Variants in DENND1B observed in about 807,000 individuals in gnomAD.
DENND1B encodes DENN domain-containing protein 1B.
DENND1B carries 59 observed loss-of-function variants against 90.1 expected under a neutral mutation model. That is an observed-to-expected ratio of 0.65 (90% confidence interval 0.53 to 0.81). The LOEUF (loss-of-function observed/expected upper bound fraction) is 0.81, where lower values mean the gene tolerates loss of function less well. DENND1B is among the 40% of genes least tolerant of loss of function. The pLI is 0.00. For missense variants in DENND1B, 862 were observed against 912.6 expected (o/e 0.94, Z 0.71); for synonymous variants, 337 against 324.6 (o/e 1.04, Z -0.41).
chr1:197,747,078 G>A (rs1652792953), intron 2 of DENND1B: 1 of 778,926 alleles, frequency 1.3e-6, no homozygotes, highest in Middle Eastern at 3.3e-4. Context: ...CCTTCCACTG[G>A]GTTTCATTTG....
intron 15 of DENND1B, among the ~76,000 whole-genome samples, chr1:197,555,028 G>A (rs1277604055): frequency 6.6e-6 from 1 of 151,892 alleles, no homozygotes; most frequent in Admixed American, 6.6e-5. Flanking sequence ...AAATAAAGCT[G>A]CACACCTACA....
intron 2 of DENND1B, among the ~76,000 whole-genome samples, chr1:197,727,436 G>A (rs974360303): frequency 2.0e-5 from 3 of 151,826 alleles, no homozygotes; most frequent in African/African-American, 7.3e-5. Flanking sequence ...TTGGGAGGCT[G>A]AGGCAGGAAA....
At chr1:197,542,785 C>G (rs146745718) in intron 18 of DENND1B, among the ~76,000 whole-genome samples, 63 of 152,188 alleles carry the variant, frequency 4.1e-4, no homozygotes, top group African/African-American at 1.5e-3. Flanking sequence ...GACTGACTTA[C>G]CTGCCCCAAA....
At chr1:197,666,088 T>C (rs1654912638) in intron 5 of DENND1B, among the ~76,000 whole-genome samples, 1 of 152,120 alleles carries the variant, frequency 6.6e-6, no homozygotes. Flanking sequence ...ACACTACTGG[T>C]AAAGATATAA....
chr1:197,758,245 T>C (rs1654558450), intron 2 of DENND1B, among the ~76,000 whole-genome samples: 1 of 152,150 alleles, frequency 6.6e-6, no homozygotes, highest in Admixed American at 6.5e-5. Context: ...CCAAAATACG[T>C]GTCTTCTATC....
At chr1:197,775,619 A>C (rs1015520221), upstream of DENND1B, 1 of 153,696 alleles carries the variant, frequency 6.5e-6, no homozygotes, top group Non-Finnish European at 1.4e-5. Flanking sequence ...CAGAGGGTGC[A>C]GGGGGAGCGC....
intron 13 of DENND1B, among the ~76,000 whole-genome samples, chr1:197,603,127 C>T (rs1248800859): frequency 6.6e-6 from 1 of 151,268 alleles, no homozygotes; most frequent in Non-Finnish European, 1.5e-5. Flanking sequence ...ATTTTCTATA[C>T]ACCCTCATAG....
chr1:197,670,718 A>T (rs139877402), intron 5 of DENND1B, among the ~76,000 whole-genome samples: 7 of 152,138 alleles, frequency 4.6e-5, no homozygotes, highest in Admixed American at 1.3e-4. Context: ...GTGCATAAAG[A>T]TATACTCCCC....
At chr1:197,522,075 A>T (rs1668816375) in intron 20 of DENND1B, among the ~76,000 whole-genome samples, 1 of 152,080 alleles carries the variant, frequency 6.6e-6, no homozygotes, top group African/African-American at 2.4e-5. Context: ...GAGAAAGGCT[A>T]GCTCTAAAAA....
intron 12 of DENND1B, among the ~76,000 whole-genome samples, chr1:197,608,306 T>C (rs749284786): frequency 6.6e-6 from 1 of 150,632 alleles, no homozygotes; most frequent in African/African-American, 2.4e-5. Context: ...AGGCATAATG[T>C]CTACAGTGAG....
chr1:197,565,483 T>G (rs1228697754), intron 15 of DENND1B, among the ~76,000 whole-genome samples: 2 of 151,910 alleles, frequency 1.3e-5, no homozygotes, highest in African/African-American at 2.4e-5. Context: ...TTCTTTTTTT[T>G]TTCTTTTATT....
intron 13 of DENND1B, among the ~76,000 whole-genome samples, chr1:197,597,526 A>G (rs76376895): frequency 0.018 from 2,661 of 151,954 alleles, 75 homozygotes; most frequent in African/African-American, 0.06. Context: ...TCAGTTCTCC[A>G]CAAATCAAGA....
chr1:197,623,297 C>T (rs1403979416), intron 10 of DENND1B, among the ~76,000 whole-genome samples: 1 of 151,348 alleles, frequency 6.6e-6, no homozygotes, highest in African/African-American at 2.4e-5. Flanking sequence ...AAACAGTAAA[C>T]TGTTGCAGAT....
intron 14 of DENND1B, among the ~76,000 whole-genome samples, chr1:197,593,697 G>A (rs1341826290): frequency 6.6e-6 from 1 of 151,954 alleles, no homozygotes; most frequent in Non-Finnish European, 1.5e-5. Context: ...TTTAGAAAAT[G>A]TTCTCACTTT....
chr1:197,687,196 G>A (rs1046767726), intron 3 of DENND1B, among the ~76,000 whole-genome samples: 11 of 152,094 alleles, frequency 7.2e-5, no homozygotes, highest in African/African-American at 2.7e-4. Context: ...AACCTCAGGC[G>A]AGTGACATGG....
intron 16 of DENND1B, among the ~76,000 whole-genome samples, chr1:197,550,376 A>G (rs1301189472): frequency 1.3e-5 from 2 of 152,146 alleles, no homozygotes; most frequent in East Asian, 3.9e-4. Flanking sequence ...TGTGACCTTG[A>G]GTAAATTATT....
intron 2 of DENND1B, among the ~76,000 whole-genome samples, chr1:197,755,686 G>T (rs367564102): frequency 6.6e-6 from 1 of 152,154 alleles, no homozygotes; most frequent in Non-Finnish European, 1.5e-5. Context: ...AAAGAAAGAG[G>T]TTTATTGGAC....
At chr1:197,609,965 T>C (rs1373415460) in intron 12 of DENND1B, among the ~76,000 whole-genome samples, 3 of 150,688 alleles carry the variant, frequency 2.0e-5, no homozygotes, top group Non-Finnish European at 3.0e-5. Context: ...GCTAGAAATT[T>C]TAGTGAAAAA....
intron 3 of DENND1B, among the ~76,000 whole-genome samples, chr1:197,684,369 G>A (rs970500013): frequency 1.3e-5 from 2 of 152,102 alleles, no homozygotes; most frequent in African/African-American, 2.4e-5. Flanking sequence ...AAACCATTAT[G>A]CCCCAACCCT....
Sources: allele counts gnomAD v4.1 joint callset (sites outside exome capture counted in the v4.1 genomes callset), GRCh38; gene constraint gnomAD v4.1.1; transcripts MANE v1.5; gene names NCBI Gene and HGNC (gene_info 2026-07-23, HGNC 2026-07-21).